ITGA8: variants seen among roughly 807,000 people sequenced by gnomAD.
The protein encoded by ITGA8 is integrin subunit alpha 8.
In ITGA8, 91 loss-of-function variants were observed where a neutral mutation model predicts 142.3. The ratio of observed to expected loss-of-function variants is 0.64; its 90% CI spans 0.54 to 0.76. The LOEUF is 0.76. ITGA8 is among the 30% of genes least tolerant of loss of function. ITGA8 has a pLI of 0.00. For missense variants in ITGA8, 1,406 were observed against 1,327.7 expected (o/e 1.06, Z -0.92); for synonymous variants, 505 against 485.2 (o/e 1.04, Z -0.54).
At chr10:15,624,287 A>C (rs2131626997) in intron 13 of ITGA8, among the ~76,000 whole-genome samples, 1 of 152,104 alleles carries the variant, frequency 6.6e-6, no homozygotes, top group African/African-American at 2.4e-5. Flanking sequence ...GCAATTCTCA[A>C]CTCCAGTTCA....
chr10:15,608,399 A>G, intron 15 of ITGA8, 109 bp from the exon 16 acceptor site: 1 of 594,848 alleles, frequency 1.7e-6, no homozygotes, highest in South Asian at 2.0e-5. Flanking sequence ...ATATATTTCT[A>G]ATTACACACA....
chr10:15,575,755 G>T (rs1834278536), intron 23 of ITGA8, among the ~76,000 whole-genome samples, 161 bp from the exon 24 acceptor site: 1 of 152,180 alleles, frequency 6.6e-6, no homozygotes, highest in Non-Finnish European at 1.5e-5. Context: ...ACAGTAGAAT[G>T]ACTACAGTGA....
rs890786768 is a variant in ITGA8, at chr10:15,694,299, T to C, written c.344-6261A>G. 1.9e-3 allele frequency among the ~76,000 whole-genome samples: 179 copies of C among 93,552 alleles called. 3 individuals carry two copies. Among genetic ancestry groups the C allele is most frequent in the African/African-American group, 7.1e-3 (170 of 24,026 alleles). The allele number at this position is 93,552 out of a possible 152,430, so 61.4% of individuals were successfully genotyped here. A position where few individuals can be genotyped will look rare whatever the true frequency, so the allele number is the denominator to read the frequency against. On this transcript the variant is annotated intron_variant, in intron 2 of 29. Coordinates refer to ENST00000378076, the MANE Select transcript of ITGA8 (RefSeq NM_003638.3). ...ATCATACATCAGATAATATATCATATATATGATAATATATCATATATATGA... is the reference window on the plus strand; with the variant it reads ...ATCATACATCAGATAATATATCATACATATGATAATATATCATATATATGA...
intron 27 of ITGA8, among the ~76,000 whole-genome samples, chr10:15,538,557 A>G (rs924672201): frequency 6.6e-6 from 1 of 150,484 alleles, no homozygotes; most frequent in Non-Finnish European, 1.5e-5. Flanking sequence ...TTGGCGTTCT[A>G]TGGAAGCCTA....
At chr10:15,554,745 TTC>T (rs1372350160) in intron 26 of ITGA8, among the ~76,000 whole-genome samples, 1 of 149,968 alleles carries the variant, frequency 6.7e-6, no homozygotes, top group Non-Finnish European at 1.5e-5. Context: ...CTTTCTTTCT[TTC>T]TTTTTTTTTT....
chr10:15,599,439 C>T (rs1451667), intron 20 of ITGA8, among the ~76,000 whole-genome samples: 42,924 of 151,864 alleles, frequency 0.28, 7,284 homozygotes, highest in Non-Finnish European at 0.39. Flanking sequence ...ATTTTAACAA[C>T]GTAACAAGTA....
intron 22 of ITGA8, among the ~76,000 whole-genome samples, chr10:15,588,392 C>A (rs947394679): frequency 1.7e-4 from 26 of 152,284 alleles, no homozygotes; most frequent in South Asian, 1.7e-3. Context: ...ACTTGTTCAC[C>A]AGAGGCTGAA....
intron 3 of ITGA8, among the ~76,000 whole-genome samples, chr10:15,684,515 C>T (rs1834800382): frequency 6.6e-6 from 1 of 151,984 alleles, no homozygotes; most frequent in Non-Finnish European, 1.5e-5. Context: ...CACAGGCACA[C>T]ACCACCATGC....
At chr10:15,688,955 C>T (rs550073076) in intron 2 of ITGA8, among the ~76,000 whole-genome samples, 1 of 152,276 alleles carries the variant, frequency 6.6e-6, no homozygotes, top group East Asian at 1.9e-4. Flanking sequence ...TCACTCTCCC[C>T]ACTTCCATTC....
rs142514095 is a variant in ITGA8, at chr10:15,700,742, C to T, written c.344-12704G>A. On this transcript the variant is annotated intron_variant, in intron 2 of 29. Transcript: ENST00000378076. ...GCAAGAAAAAAACAAACAATCCCATCAAAAAGTGGGCTGAGGACATGAATA... is the reference window on the plus strand; with the variant it reads ...GCAAGAAAAAAACAAACAATCCCATTAAAAAGTGGGCTGAGGACATGAATA... Among the ~76,000 whole-genome samples the T allele has an allele frequency of 8.5e-4, 129 of 152,162 alleles. 4 individuals are homozygous for T. The East Asian group carries it at 0.022, about 26-fold the overall frequency.
chr10:15,540,183 A>G (rs7913023), intron 27 of ITGA8, among the ~76,000 whole-genome samples: 10,243 of 152,180 alleles, frequency 0.067, 1,145 homozygotes, highest in African/African-American at 0.23. Context: ...TGAAATAGAC[A>G]ATAAATTATT....
chr10:15,662,154 G>C (rs1286463724), intron 8 of ITGA8, among the ~76,000 whole-genome samples: 1 of 151,988 alleles, frequency 6.6e-6, no homozygotes, highest in Admixed American at 6.6e-5. Flanking sequence ...GTTATTAAAT[G>C]TAATATTGAG....
chr10:15,617,332 T>C (rs1236663096), intron 13 of ITGA8, among the ~76,000 whole-genome samples: 2 of 151,920 alleles, frequency 1.3e-5, no homozygotes, highest in African/African-American at 4.8e-5. Flanking sequence ...GGAGCAATCC[T>C]GGACTAGGTA....
intron 13 of ITGA8, among the ~76,000 whole-genome samples, chr10:15,633,769 T>G (rs1171314974): frequency 6.6e-6 from 1 of 152,154 alleles, no homozygotes; most frequent in Non-Finnish European, 1.5e-5. Context: ...TAGAAATCTG[T>G]GGATCCCTTT....
In ITGA8 at chr10:15,705,808, T is replaced by C. The variant is rs547210955; in HGVS notation, c.343+12958A>G. On this transcript the variant is annotated intron_variant, in intron 2 of 29. Transcript: ENST00000378076. ...CATTTCACTTCACCTCACAAGACTT[T>C]CTTTATTGGCTTCATGGCTTTCTTT... 1.8e-4 allele frequency among the ~76,000 whole-genome samples: 27 copies of C among 152,314 alleles called. 1 individual carries two copies. In the South Asian group the frequency reaches 5.6e-3, roughly 32 times the overall value.
chr10:15,537,661 C>G (rs1191385287), intron 27 of ITGA8, among the ~76,000 whole-genome samples: 4 of 152,150 alleles, frequency 2.6e-5, no homozygotes, highest in Non-Finnish European at 5.9e-5. Context: ...TTCCCCTACA[C>G]TCTAGTGTCA....
chr10:15,550,930 G>A (rs74915291), intron 26 of ITGA8, among the ~76,000 whole-genome samples: 2,948 of 152,180 alleles, frequency 0.019, 88 homozygotes, highest in African/African-American at 0.067. Context: ...GCCCTGAACT[G>A]AGGCAGTGGA....
chr10:15,572,075 A>C, intron 25 of ITGA8, 136 bp downstream of exon 25: 1 of 592,244 alleles, frequency 1.7e-6, no homozygotes, highest in Non-Finnish European at 2.7e-6. Context: ...TAACTATAAA[A>C]TGAAAAGTTC....
chr10:15,634,838 G>A (rs1016192157), intron 13 of ITGA8, among the ~76,000 whole-genome samples: 1 of 152,042 alleles, frequency 6.6e-6, no homozygotes, highest in African/African-American at 2.4e-5. Flanking sequence ...TTCATTAATA[G>A]CTCATTGTAC....
Sources: allele counts gnomAD v4.1 joint callset (sites outside exome capture counted in the v4.1 genomes callset), GRCh38; gene constraint gnomAD v4.1.1; transcripts MANE v1.5; gene names NCBI Gene and HGNC (gene_info 2026-07-23, HGNC 2026-07-21).